CCDC187: variants seen among roughly 807,000 people sequenced by gnomAD.
CCDC187 encodes coiled-coil domain containing 187.
CCDC187 carries 32 observed loss-of-function variants against 38.0 expected under a neutral mutation model. That is an observed-to-expected ratio of 0.84 (90% confidence interval 0.64 to 1.13). The LOEUF (loss-of-function observed/expected upper bound fraction) is 1.13, where lower values mean the gene tolerates loss of function less well. CCDC187 is among the 50% of genes most tolerant of loss of function. The probability of loss-of-function intolerance (pLI) is 0.00; values close to 1 mark genes in which losing one functional copy is unlikely to be tolerated. For synonymous variants in CCDC187, 333 were observed against 347.9 expected, an observed-to-expected ratio of 0.96 and a Z score of 0.48; for missense variants, 707 against 786.8, an observed-to-expected ratio of 0.90 and a Z score of 1.21.
At chr9:136,291,708 C>A in intron 5 of CCDC187, 63 bp from the exon 6 acceptor site, 1 of 398,534 alleles carries the variant, frequency 2.5e-6, no homozygotes, top group South Asian at 1.3e-4. Context: ...GCCAGCTCCT[C>A]CATCCGGGCT....
In CCDC187 at chr9:136,250,239, G is replaced by A. The variant is rs1183883058; in HGVS notation, c.*3355C>T. 3 of 166,726 alleles carry A rather than the reference G, an allele frequency of 1.8e-5. No homozygotes were observed. The highest frequency in any genetic ancestry group is 1.7e-4 in the Admixed American group (3 of 17,992). 10.3% of individuals were successfully genotyped at this position (166,726 alleles called of 1,614,324 possible). A position where few individuals can be genotyped will look rare whatever the true frequency, so the allele number is the denominator to read the frequency against. ...AGGGCCGCTGTCCTTGGAAGCCCTG[G>A]CCCGGGTTTTCCTTCGTTCCTCACG... On this transcript the variant is annotated 3_prime_UTR_variant, in exon 26 of 26. Coordinates refer to ENST00000638797, the MANE Select transcript of CCDC187 (RefSeq NM_001378188.1).
chr9:136,301,745 C>T (rs988152476), intron 2 of CCDC187, among the ~76,000 whole-genome samples: 5 of 151,900 alleles, frequency 3.3e-5, no homozygotes, highest in Non-Finnish European at 5.9e-5. Flanking sequence ...CGCCACCATG[C>T]CCAGCTAGTT....
At chr9:136,286,734 G>C in intron 7 of CCDC187, 39 bp from the exon 8 acceptor site, 1 of 398,620 alleles carries the variant, frequency 2.5e-6, no homozygotes, top group Non-Finnish European at 4.4e-6. Flanking sequence ...GCTCAGGCTC[G>C]GTCGCCCCAG....
chr9:136,253,797 G>A lies in CCDC187; in HGVS notation c.6031C>T (p.Pro2011Ser). The A allele has an allele frequency of 1.0e-6, 1 of 985,500 alleles. No individual in the cohort carries two copies. Among genetic ancestry groups the A allele is most frequent in the Non-Finnish European group, 1.2e-6 (1 of 829,946 alleles). The allele number at this position is 985,500 out of a possible 1,614,324, so 61.0% of individuals were successfully genotyped here. A position where few individuals can be genotyped will look rare whatever the true frequency, so the allele number is the denominator to read the frequency against. The stretch of plus-strand genomic sequence containing the variant: ...GGAGTGGGAGGAGGTGGGGGTAGGG[G>A]GGCCTCCCTGTGGATGGAGGACGGG... ...DLPSSIHREA[P>S]LPPPPPTPQA... The change falls in exon 26 of 26, where the codon CCC (proline) becomes TCC (serine). Residue 2011 changes from proline to serine, a missense_variant. Transcript: ENST00000638797.
intron 14 of CCDC187, among the ~76,000 whole-genome samples, chr9:136,271,752 C>A (rs1830844161): frequency 6.6e-6 from 1 of 151,522 alleles, no homozygotes; most frequent in South Asian, 2.1e-4. Context: ...GGACTACAGG[C>A]ACCCGCCACC....
Position 136,257,385 on chromosome 9 carries a change from A to C in CCDC187, c.4367-544T>G, listed in dbSNP as rs868978398. Reference sequence around the variant, plus strand: ...GACTTTGTCTCAAAATTATAATAATAATAATAATAATAATAATAATAATTT... The same window carrying C: ...GACTTTGTCTCAAAATTATAATAATCATAATAATAATAATAATAATAATTT... On this transcript the variant is annotated intron_variant, in intron 22 of 25. Coordinates refer to ENST00000638797, the MANE Select transcript of CCDC187 (RefSeq NM_001378188.1). The surrounding 1 kb of genome is among the most constrained non-coding windows in gnomAD (Gnocchi z 4.5). Among the ~76,000 whole-genome samples, 1 of 136,396 alleles carries C rather than the reference A, an allele frequency of 7.3e-6. No individual in the cohort carries two copies. Among genetic ancestry groups the C allele is most frequent in the Admixed American group, 7.3e-5 (1 of 13,652 alleles). The allele number at this position is 136,396 out of a possible 152,430, so 89.5% of individuals were successfully genotyped here.
chr9:136,294,729 C>A (rs933078155), intron 4 of CCDC187, among the ~76,000 whole-genome samples: 100 of 152,358 alleles, frequency 6.6e-4, no homozygotes, highest in Non-Finnish European at 1.2e-3. Flanking sequence ...CCCACCAGGC[C>A]ATGCCCTCCC....
chr9:136,278,641 G>A (rs926510500), intron 10 of CCDC187, among the ~76,000 whole-genome samples: 4 of 152,214 alleles, frequency 2.6e-5, no homozygotes, highest in African/African-American at 9.7e-5. Context: ...AACTAGCTAC[G>A]TTCTCAGTCA....
intron 7 of CCDC187, among the ~76,000 whole-genome samples, chr9:136,289,754 G>A (rs1831269520): frequency 1.3e-5 from 2 of 152,154 alleles, no homozygotes; most frequent in Admixed American, 1.3e-4. Context: ...TGCGACTCTT[G>A]CCTCCATGAG....
At position 136,263,717 on chromosome 9, in the gene CCDC187, CG is replaced by C; in HGVS notation, c.3816del (p.Val1273SerfsTer59). The stretch of plus-strand genomic sequence containing the variant: ...ATGTCCACAGGCCCCGGCATGGAGA[CG>C]ACGTCCCTCTGATGCTGCAGAAGCA... ...RKLLLQHQRD[V>X]VSMPGPVDIL... On this transcript the variant is annotated frameshift_variant, in exon 18 of 26. Transcript: ENST00000638797. LOFTEE classifies it high-confidence loss of function. The C allele has an allele frequency of 1.0e-6, 1 of 985,478 alleles. No individual in the cohort carries two copies. The highest frequency in any genetic ancestry group is 1.2e-6 in the Non-Finnish European group (1 of 829,944). The allele number at this position is 985,478 out of a possible 1,614,324, so 61.0% of individuals were successfully genotyped here.
chr9:136,258,716 C>T lies in CCDC187; in HGVS notation c.4366+216G>A, dbSNP rs1283958503. ...AGCCAGTTATGACTTTTAATTTCTC[C>T]AGAAGAGCCGCTGCGTCACCTCCGG... On this transcript the variant is annotated intron_variant, in intron 22 of 25. Transcript: ENST00000638797. The surrounding 1 kb of genome is among the most constrained non-coding windows in gnomAD (Gnocchi z 4.3). 1.0e-6 allele frequency: 1 copy of T among 985,364 alleles called. No homozygotes were observed. Among genetic ancestry groups the T allele is most frequent in the Non-Finnish European group, 1.2e-6 (1 of 829,948 alleles). The allele number at this position is 985,364 out of a possible 1,614,324, so 61.0% of individuals were successfully genotyped here. A position where few individuals can be genotyped will look rare whatever the true frequency, so the allele number is the denominator to read the frequency against.
chr9:136,299,239 G>A (rs1831612179), intron 3 of CCDC187, among the ~76,000 whole-genome samples: 1 of 152,126 alleles, frequency 6.6e-6, no homozygotes, highest in African/African-American at 2.4e-5. Context: ...GCTCTCCGAG[G>A]GGCCAGCCCT....
chr9:136,257,630 C>A lies in CCDC187; in HGVS notation c.4367-789G>T, dbSNP rs1261423779. 2.6e-5 allele frequency among the ~76,000 whole-genome samples: 4 copies of A among 151,860 alleles called. No homozygotes were observed. Among genetic ancestry groups the A allele is most frequent in the East Asian group, 2.0e-4 (1 of 4,948 alleles). ...CAGAGCCCTCCCCAGGAGCACCAGG[C>A]CCCCCAGCATTGCACCTCCATCTCC... On this transcript the variant is annotated intron_variant, in intron 22 of 25. Transcript: ENST00000638797. This position sits in a 1 kb window ranked among gnomAD's most constrained non-coding sequence, Gnocchi z 4.5.
chr9:136,297,149 C>T (rs956500572), intron 4 of CCDC187, among the ~76,000 whole-genome samples: 3 of 149,744 alleles, frequency 2.0e-5, no homozygotes, highest in Non-Finnish European at 4.5e-5. Flanking sequence ...CTGCAGGTGG[C>T]GTGAGCTGCA....
Position 136,253,139 on chromosome 9 carries a change from G to C in CCDC187, c.*455C>G, listed in dbSNP as rs557541552. 6.6e-6 allele frequency: 1 copy of C among 152,444 alleles called. No homozygotes were observed. Among genetic ancestry groups the C allele is most frequent in the South Asian group, 2.1e-4 (1 of 4,848 alleles). 9.4% of individuals were successfully genotyped at this position (152,444 alleles called of 1,614,324 possible). On this transcript the variant is annotated 3_prime_UTR_variant, in exon 26 of 26. Transcript: ENST00000638797. ...GCAGGCTCGGCTGCCCAGGGACCCT[G>C]CCGCAGGTGAGGCAGTGTCCAGGAG...
At chr9:136,290,460 C>T (rs923052246) in intron 6 of CCDC187, 26 bp downstream of exon 6, 19 of 390,796 alleles carry the variant, frequency 4.9e-5, no homozygotes, top group East Asian at 2.5e-4. Flanking sequence ...TGAGCCGAGT[C>T]CCCCCAACCC....
At chr9:136,267,870 G>C in intron 15 of CCDC187, 179 bp downstream of exon 15, 1 of 985,468 alleles carries the variant, frequency 1.0e-6, no homozygotes, top group Non-Finnish European at 1.2e-6. Flanking sequence ...AGGGCGGGAG[G>C]AACGGGCTTG....
intron 14 of CCDC187, among the ~76,000 whole-genome samples, chr9:136,273,971 T>C (rs889525757): frequency 6.6e-6 from 1 of 152,232 alleles, no homozygotes; most frequent in Non-Finnish European, 1.5e-5. Flanking sequence ...CCTTCCTTGT[T>C]TGCTGACACA....
chr9:136,279,797 T>C (rs1831003916), intron 10 of CCDC187, among the ~76,000 whole-genome samples: 1 of 152,242 alleles, frequency 6.6e-6, no homozygotes, highest in Non-Finnish European at 1.5e-5. Context: ...AATTCAGCCA[T>C]GAGGCGGCAA....
Sources: allele counts gnomAD v4.1 joint callset (sites outside exome capture counted in the v4.1 genomes callset), GRCh38; gene constraint gnomAD v4.1.1; non-coding constraint Gnocchi (gnomAD v3.1); transcripts MANE v1.5; gene names NCBI Gene and HGNC (gene_info 2026-07-23, HGNC 2026-07-21).